Variants in TRAP1 observed in about 807,000 individuals in gnomAD.
TRAP1 encodes heat shock protein 75 kDa, mitochondrial.
A neutral mutation model predicts 89.1 loss-of-function variants in TRAP1; 102 were observed. The ratio of observed to expected loss-of-function variants is 1.15; its 90% CI spans 0.98 to 1.35. The LOEUF is 1.35. Among genes scored for constraint, TRAP1 ranks in the 40% most tolerant of loss-of-function variants. TRAP1 has a pLI of 0.00. For synonymous variants in TRAP1, 508 were observed against 388.0 expected, an observed-to-expected ratio of 1.31 and a Z score of -3.64; for missense variants, 1,256 against 945.3, an observed-to-expected ratio of 1.33 and a Z score of -4.31.
chr16:3,673,911 A>G (rs1268015680), intron 9 of TRAP1, among the ~76,000 whole-genome samples: 1 of 152,138 alleles, frequency 6.6e-6, no homozygotes, highest in Admixed American at 6.5e-5. Flanking sequence ...CTGGCAGGAC[A>G]GCATCCACTG....
chr16:3,679,854 G>C, intron 4 of TRAP1, 64 bp from the exon 5 acceptor site: 13 of 1,526,922 alleles, frequency 8.5e-6, no homozygotes, highest in Non-Finnish European at 1.2e-5. Flanking sequence ...GAGTGCACCA[G>C]CAGTCCCAGG....
chr16:3,667,079 G>C (rs1421078594), intron 11 of TRAP1, among the ~76,000 whole-genome samples: 1 of 152,156 alleles, frequency 6.6e-6, no homozygotes, highest in Non-Finnish European at 1.5e-5. Context: ...TCGTGCCTGG[G>C]AGCGGGGGGA....
intron 1 of TRAP1, among the ~76,000 whole-genome samples, chr16:3,715,736 C>A (rs1331117559): frequency 2.6e-5 from 4 of 152,130 alleles, no homozygotes; most frequent in African/African-American, 4.8e-5. Context: ...CACTTGAGGT[C>A]AGGCACTGGA....
intron 5 of TRAP1, among the ~76,000 whole-genome samples, chr16:3,679,261 A>G (rs879894214): frequency 2.0e-5 from 3 of 152,112 alleles, no homozygotes; most frequent in Non-Finnish European, 4.4e-5. Flanking sequence ...CCTCCTATCT[A>G]CGGGTTCCAC....
At chr16:3,662,697 C>T in intron 15 of TRAP1, 185 bp downstream of exon 15, 5 of 701,882 alleles carry the variant, frequency 7.1e-6, no homozygotes, top group South Asian at 1.5e-5. Context: ...ACACGGCCTT[C>T]CTGCCTCAGC....
At chr16:3,710,984 A>C (rs946848814) in intron 1 of TRAP1, among the ~76,000 whole-genome samples, 1 of 138,318 alleles carries the variant, frequency 7.2e-6, no homozygotes, top group African/African-American at 2.8e-5. Context: ...GGAGCCTCCC[A>C]CTTCAGCCTC....
intron 4 of TRAP1, among the ~76,000 whole-genome samples, chr16:3,684,164 C>G (rs888704597): frequency 6.6e-6 from 1 of 152,152 alleles, no homozygotes; most frequent in Non-Finnish European, 1.5e-5. Context: ...AAATGAGACT[C>G]TGTCTCAAAC....
chr16:3,672,624 T>A, intron 10 of TRAP1, 76 bp downstream of exon 10: 1 of 1,501,360 alleles, frequency 6.7e-7, no homozygotes, highest in Non-Finnish European at 8.9e-7. Context: ...GAGAATGGAA[T>A]CAGCACGGTC....
At chr16:3,705,849 T>C (rs918675986) in intron 1 of TRAP1, among the ~76,000 whole-genome samples, 6 of 150,802 alleles carry the variant, frequency 4.0e-5, no homozygotes, top group Non-Finnish European at 8.8e-5. Context: ...CCGGCTAATT[T>C]TATATATATA....
chr16:3,716,903 C>A (rs1347753705), intron 1 of TRAP1, among the ~76,000 whole-genome samples: 1 of 152,260 alleles, frequency 6.6e-6, no homozygotes, highest in Non-Finnish European at 1.5e-5. Context: ...TCCCCAGAAC[C>A]TGCACGGCGC....
intron 5 of TRAP1, 40 bp from the exon 6 acceptor site, chr16:3,677,698 C>T: frequency 6.3e-7 from 1 of 1,597,488 alleles, no homozygotes; most frequent in Non-Finnish European, 8.5e-7. Flanking sequence ...GCCTCCCCTC[C>T]AGAGAGCAGA....
chr16:3,706,902 G>A (rs528074678), intron 1 of TRAP1, among the ~76,000 whole-genome samples: 4 of 152,098 alleles, frequency 2.6e-5, no homozygotes, highest in Non-Finnish European at 5.9e-5. Context: ...GTAGAACTGT[G>A]GGGTCATATG....
chr16:3,699,182 T>C (rs1031532867), intron 1 of TRAP1, among the ~76,000 whole-genome samples: 1 of 152,150 alleles, frequency 6.6e-6, no homozygotes, highest in African/African-American at 2.4e-5. Flanking sequence ...TCCTCCACTC[T>C]GCAGCTGCAG....
chr16:3,666,222 G>A lies in TRAP1; in HGVS notation c.1236-104C>T, dbSNP rs1463175416. ...CAGCCCCGCTAAGAATCAAAGAAGT[G>A]AAAACAACAAGGTACCGTTATTGGC... On this transcript the variant is annotated intron_variant, in intron 11 of 17. Coordinates refer to ENST00000246957, the MANE Select transcript of TRAP1 (RefSeq NM_016292.3). 5.7e-6 allele frequency: 8 copies of A among 1,399,976 alleles called. No individual in the cohort carries two copies. The Admixed American group carries it at 9.3e-5, about 16-fold the overall frequency. The allele number at this position is 1,399,976 out of a possible 1,614,324, so 86.7% of individuals were successfully genotyped here. A position where few individuals can be genotyped will look rare whatever the true frequency, so the allele number is the denominator to read the frequency against.
chr16:3,663,979 C>T (rs1331214240), intron 13 of TRAP1: 5 of 364,112 alleles, frequency 1.4e-5, no homozygotes, highest in East Asian at 1.1e-4. Flanking sequence ...AGGAGAATGA[C>T]CTGAACCCAG....
intron 8 of TRAP1, chr16:3,674,708 A>C (rs1596713139): frequency 5.0e-6 from 3 of 601,086 alleles, no homozygotes; most frequent in South Asian, 2.0e-5. Context: ...GGAGCTCCTC[A>C]GGACAACATG....
At chr16:3,658,924 T>TC in intron 16 of TRAP1, 59 bp from the exon 17 acceptor site, 2 of 1,564,816 alleles carry the variant, frequency 1.3e-6, no homozygotes, top group South Asian at 2.2e-5. Flanking sequence ...GACCCTCCCT[T>TC]CATGTTTTGG....
In TRAP1 at chr16:3,679,712, C is replaced by A; in HGVS notation, c.543+7G>T. On this transcript the variant is annotated splice_region_variant and intron_variant, in intron 5 of 17. Transcript: ENST00000246957. Reference sequence around the variant, plus strand: ...AGGGGGAGGCTGTGTGGGGGCCCCACGCTTACCTTTGACCCCGATCTGGCA... The same window carrying A: ...AGGGGGAGGCTGTGTGGGGGCCCCAAGCTTACCTTTGACCCCGATCTGGCA... The A allele has an allele frequency of 6.2e-7, 1 of 1,614,020 alleles. No homozygotes were observed. Among genetic ancestry groups the A allele is most frequent in the Non-Finnish European group, 8.5e-7 (1 of 1,179,958 alleles).
At chr16:3,700,666 A>G (rs2051353400) in intron 1 of TRAP1, among the ~76,000 whole-genome samples, 1 of 150,876 alleles carries the variant, frequency 6.6e-6, no homozygotes, top group African/African-American at 2.4e-5. Context: ...GGGTTTCTCC[A>G]TGTTGCCCAG....
Sources: gnomAD v4.1 joint callset for allele counts (sites outside exome capture counted in the v4.1 genomes callset) on GRCh38, gnomAD v4.1.1 for gene constraint, MANE v1.5 for transcripts, NCBI Gene and HGNC (gene_info 2026-07-23, HGNC 2026-07-21) for gene names.